PBX1: variants seen among roughly 807,000 people sequenced by gnomAD.
The protein encoded by PBX1 is PBX homeobox 1.
Under a neutral mutation model 53.4 loss-of-function variants are expected in PBX1, and 6 were observed. The observed-to-expected ratio is 0.11, with a 90% confidence interval of 0.06 to 0.22. The LOEUF is 0.22. PBX1 is among the 10% of genes least tolerant of loss of function. The probability of loss-of-function intolerance (pLI) is 1.00; values close to 1 mark genes in which losing one functional copy is unlikely to be tolerated. For missense variants in PBX1, 251 were observed against 551.4 expected (o/e 0.46, Z 5.46); for synonymous variants, 204 against 212.3 (o/e 0.96, Z 0.34).
intron 2 of PBX1, among the ~76,000 whole-genome samples, chr1:164,584,068 G>C (rs1334067269): frequency 6.6e-6 from 1 of 152,140 alleles, no homozygotes; most frequent in Non-Finnish European, 1.5e-5. Context: ...CCAGTGCCTG[G>C]TATATATATT....
At chr1:164,825,194 A>C (rs952952426) in intron 8 of PBX1, among the ~76,000 whole-genome samples, 1 of 151,950 alleles carries the variant, frequency 6.6e-6, no homozygotes, top group Non-Finnish European at 1.5e-5. Flanking sequence ...ATGTCCTTTC[A>C]TTCCCACATC....
chr1:164,755,765 C>A (rs1666479010), intron 2 of PBX1, among the ~76,000 whole-genome samples: 1 of 152,002 alleles, frequency 6.6e-6, no homozygotes, highest in Admixed American at 6.6e-5. Flanking sequence ...GAAGAGCATA[C>A]CTGCAGTCCT....
chr1:164,650,376 CT>C (rs1474691029), intron 2 of PBX1, among the ~76,000 whole-genome samples: 1 of 151,918 alleles, frequency 6.6e-6, no homozygotes, highest in African/African-American at 2.4e-5. Flanking sequence ...TTACAGGCAC[CT>C]GCTACCATGC....
In PBX1 at chr1:164,563,369, A is replaced by G. The variant is rs1571224735; in HGVS notation, c.265+58A>G. The G allele has an allele frequency of 1.8e-5, 19 of 1,080,982 alleles. No homozygotes were observed. In the East Asian group the frequency reaches 3.3e-4, roughly 19 times the overall value. The allele number at this position is 1,080,982 out of a possible 1,614,324, so 67.0% of individuals were successfully genotyped here. On this transcript the variant is annotated intron_variant, in intron 2 of 8. Transcript: ENST00000420696. ...CTTTGGCCAATTAAATCACTTAACC[A>G]GCAGTCACAAATCTATTATTTAAAT...
chr1:164,571,918 C>CATATTTTTT (rs1557867060), intron 2 of PBX1, among the ~76,000 whole-genome samples: 1 of 42,342 alleles, frequency 2.4e-5, no homozygotes, highest in African/African-American at 8.7e-5. Flanking sequence ...TATATATATG[C>CATATTTTTT]TTTTTTTTTT....
At chr1:164,683,002 C>T (rs764660528) in intron 2 of PBX1, 1 of 152,216 alleles carries the variant, frequency 6.6e-6, no homozygotes, top group Admixed American at 6.5e-5. Flanking sequence ...AAGCTATTTA[C>T]TAAGCATGTC....
intron 2 of PBX1, among the ~76,000 whole-genome samples, chr1:164,724,670 ATTTTTTTTTTTTTTTTTTTTTTTT>A (rs59042806): frequency 4.1e-4 from 20 of 48,236 alleles, no homozygotes; most frequent in African/African-American, 1.1e-3. Flanking sequence ...ATAGCTGCAG[ATTTTTTTTTTTTTTTTTTTTTTTT>A]TTTTTTTTTT....
Position 164,720,769 on chromosome 1 carries a change from G to A in PBX1, c.266-71725G>A, listed in dbSNP as rs148524514. Among the ~76,000 whole-genome samples, 3 of 152,302 alleles carry A rather than the reference G, an allele frequency of 2.0e-5. No homozygotes were observed. In the East Asian group the frequency reaches 5.8e-4, roughly 29 times the overall value. On this transcript the variant is annotated intron_variant, in intron 2 of 8. Coordinates refer to ENST00000420696, the MANE Select transcript of PBX1 (RefSeq NM_002585.4). ...CAGTATGAATAGCAGTGGCGTTTGG[G>A]CAGGGAGGTGATGAGATGCCTATTA...
At position 164,810,958 on chromosome 1, in the gene PBX1, G is replaced by T. The variant is rs74118212; in HGVS notation, c.838-1032G>T. 2.6e-5 allele frequency among the ~76,000 whole-genome samples: 4 copies of T among 152,060 alleles called. No individual in the cohort carries two copies. In the East Asian group the frequency reaches 7.7e-4, roughly 29 times the overall value. ...TAAGATGTTTTAAGTTTGTTAATGC[G>T]TTTAAAAAATTAAGTATAGTTTTGC... is the stretch of plus-strand genomic sequence containing the variant. On this transcript the variant is annotated intron_variant, in intron 5 of 8. Transcript: ENST00000420696.
chr1:164,869,115 C>T (rs181558332), intron 2 of PBX1, among the ~76,000 whole-genome samples: 6 of 152,290 alleles, frequency 3.9e-5, no homozygotes, highest in South Asian at 4.1e-4. Flanking sequence ...GCAATCAGCC[C>T]AGGACTTTCC....
At chr1:164,723,593 A>G (rs1244760385) in intron 2 of PBX1, among the ~76,000 whole-genome samples, 2 of 152,186 alleles carry the variant, frequency 1.3e-5, no homozygotes, top group Non-Finnish European at 2.9e-5. Flanking sequence ...ACACATTCAG[A>G]GAAGGGGCGT....
chr1:164,669,756 A>G (rs74117971), intron 2 of PBX1, among the ~76,000 whole-genome samples: 13 of 152,144 alleles, frequency 8.5e-5, no homozygotes, highest in East Asian at 5.8e-4. Flanking sequence ...CTGCTACCCA[A>G]TTGGCCTTTC....
At chr1:164,814,941 G>A (rs1338914919) in intron 6 of PBX1, 1 of 151,920 alleles carries the variant, frequency 6.6e-6, no homozygotes, top group African/African-American at 2.4e-5. Context: ...AACCCGGGGG[G>A]ATTAGCAAGC....
At chr1:164,843,910 A>G (rs980799398) in intron 8 of PBX1, among the ~76,000 whole-genome samples, 1 of 151,972 alleles carries the variant, frequency 6.6e-6, no homozygotes, top group Non-Finnish European at 1.5e-5. Context: ...TAATGGCTTC[A>G]TTTTTTGCAC....
chr1:164,725,453 A>T (rs565100933), intron 2 of PBX1, among the ~76,000 whole-genome samples: 49 of 152,172 alleles, frequency 3.2e-4, no homozygotes, highest in African/African-American at 1.1e-3. Flanking sequence ...CATGTTCTGC[A>T]CATCAGCTCT....
intron 2 of PBX1, among the ~76,000 whole-genome samples, chr1:164,565,981 C>G (rs116171400): frequency 6.6e-6 from 1 of 151,958 alleles, no homozygotes; most frequent in Admixed American, 6.6e-5. Flanking sequence ...TATTCTAACA[C>G]GAAGTTCATA....
At chr1:164,584,085 C>T (rs919869801) in intron 2 of PBX1, among the ~76,000 whole-genome samples, 1 of 151,896 alleles carries the variant, frequency 6.6e-6, no homozygotes, top group Non-Finnish European at 1.5e-5. Context: ...TATTTGATGC[C>T]CAACAAATGC....
chr1:164,767,810 G>A (rs1305819137), intron 2 of PBX1, among the ~76,000 whole-genome samples: 2 of 152,000 alleles, frequency 1.3e-5, no homozygotes, highest in African/African-American at 4.8e-5. Context: ...AAAACAGATG[G>A]GATAGAAATT....
At chr1:164,604,515 A>G (rs1656420298) in intron 2 of PBX1, among the ~76,000 whole-genome samples, 1 of 152,240 alleles carries the variant, frequency 6.6e-6, no homozygotes, top group Admixed American at 6.5e-5. Context: ...GCACTCAGTG[A>G]TAACTACTGG....
Sources: gnomAD v4.1 joint callset for allele counts (sites outside exome capture counted in the v4.1 genomes callset) on GRCh38, gnomAD v4.1.1 for gene constraint, MANE v1.5 for transcripts, NCBI Gene and HGNC (gene_info 2026-07-23, HGNC 2026-07-21) for gene names.